GSG1L: variants seen among roughly 807,000 people sequenced by gnomAD.
GSG1L encodes the protein GSG1 like.
A neutral mutation model predicts 42.1 loss-of-function variants in GSG1L; 24 were observed. The ratio of observed to expected loss-of-function variants is 0.57; its 90% CI spans 0.41 to 0.80. GSG1L has a LOEUF of 0.80. GSG1L is among the 30% of genes least tolerant of loss of function. GSG1L has a pLI of 0.00. For synonymous variants in GSG1L, 215 were observed against 203.5 expected, an observed-to-expected ratio of 1.06 and a Z score of -0.48; for missense variants, 445 against 472.2, an observed-to-expected ratio of 0.94 and a Z score of 0.53.
At chr16:28,005,522 G>A (rs572068958) in intron 1 of GSG1L, among the ~76,000 whole-genome samples, 93 of 152,176 alleles carry the variant, frequency 6.1e-4, no homozygotes, top group African/African-American at 2.1e-3. Context: ...CTCACCCAAA[G>A]GGCTTCATTT....
At chr16:27,867,907 T>G (rs2083752069) in intron 3 of GSG1L, among the ~76,000 whole-genome samples, 1 of 152,338 alleles carries the variant, frequency 6.6e-6, no homozygotes, top group South Asian at 2.1e-4. Context: ...CCCAACCTCC[T>G]TGCGTTTCTC....
chr16:28,031,171 A>G (rs556144063), intron 1 of GSG1L, among the ~76,000 whole-genome samples: 3 of 128,710 alleles, frequency 2.3e-5, no homozygotes, highest in Non-Finnish European at 3.2e-5. Context: ...TGAGATGGGA[A>G]TGGGATGGGA....
chr16:27,861,420 G>A (rs2083650271), intron 3 of GSG1L, among the ~76,000 whole-genome samples: 1 of 152,026 alleles, frequency 6.6e-6, no homozygotes, highest in Non-Finnish European at 1.5e-5. Context: ...CAGTGGGAGT[G>A]TCAACTCTGC....
intron 1 of GSG1L, among the ~76,000 whole-genome samples, chr16:27,990,913 G>C (rs1253054207): frequency 6.6e-6 from 1 of 151,932 alleles, no homozygotes; most frequent in Non-Finnish European, 1.5e-5. Context: ...AAAACTTAAA[G>C]TATAATTTAA....
intron 2 of GSG1L, among the ~76,000 whole-genome samples, chr16:27,900,001 T>C (rs2084237982): frequency 1.3e-5 from 2 of 152,316 alleles, no homozygotes; most frequent in East Asian, 1.9e-4. Context: ...TGCACCTCCG[T>C]TGCTGAATCC....
At chr16:27,854,243 G>T (rs1210693809) in intron 3 of GSG1L, among the ~76,000 whole-genome samples, 3 of 144,074 alleles carry the variant, frequency 2.1e-5, no homozygotes, top group African/African-American at 7.7e-5. Flanking sequence ...AATGGGGAGG[G>T]TGAATAGAAG....
chr16:27,847,749 T>TTGTTTAAAAG (rs2083460345), intron 3 of GSG1L, among the ~76,000 whole-genome samples: 1 of 152,166 alleles, frequency 6.6e-6, no homozygotes, highest in South Asian at 2.1e-4. Flanking sequence ...AGAGAGCTGG[T>TTGTTTAAAAG]TGTTTAAAAG....
Position 28,063,083 on chromosome 16 carries a change from G to C in GSG1L, c.342C>G (p.Ser114Arg). The change falls in exon 1 of 7, where the codon AGC becomes AGG. Residue 114 changes from serine to arginine, a missense_variant. Coordinates refer to ENST00000447459, the MANE Select transcript of GSG1L (RefSeq NM_001109763.2). The surrounding 1 kb of genome is among the most constrained non-coding windows in gnomAD (Gnocchi z 5.8). Reference protein sequence around the residue: ...GIWYSCEEELSGLGEKCRSFI... With the variant: ...GIWYSCEEELRGLGEKCRSFI... ...CCGCCCGCGCGCACTCACCAAGCCC[G>C]CTGAGCTCCTCCTCGCACGAGTACC... is the stretch of plus-strand genomic sequence containing the variant. The C allele has an allele frequency of 1.4e-6, 2 of 1,428,974 alleles. No individual in the cohort carries two copies. Among genetic ancestry groups the C allele is most frequent in the Non-Finnish European group, 1.8e-6 (2 of 1,085,456 alleles). The allele number at this position is 1,428,974 out of a possible 1,614,324, so 88.5% of individuals were successfully genotyped here. A position where few individuals can be genotyped will look rare whatever the true frequency, so the allele number is the denominator to read the frequency against.
intron 5 of GSG1L, among the ~76,000 whole-genome samples, chr16:27,810,411 G>A (rs147056501): frequency 2.0e-5 from 3 of 152,242 alleles, no homozygotes; most frequent in South Asian, 2.1e-4. Flanking sequence ...CAGAGGCTAC[G>A]GTGAGCCATG....
At chr16:28,036,504 C>T (rs901487195) in intron 1 of GSG1L, among the ~76,000 whole-genome samples, 5 of 152,174 alleles carry the variant, frequency 3.3e-5, no homozygotes, top group Non-Finnish European at 4.4e-5. Flanking sequence ...CCTCACGTCT[C>T]CCAGGGCCCT....
At chr16:27,802,173 G>A (rs1343560292) in intron 6 of GSG1L, among the ~76,000 whole-genome samples, 1 of 152,104 alleles carries the variant, frequency 6.6e-6, no homozygotes, top group East Asian at 1.9e-4. Context: ...AATGGCTTGG[G>A]TCTGTCTCCC....
intron 1 of GSG1L, among the ~76,000 whole-genome samples, chr16:28,056,802 T>C (rs956247812): frequency 6.6e-6 from 1 of 151,534 alleles, no homozygotes. Context: ...AGCAGGGAGA[T>C]GGATGATAGA....
At chr16:27,851,688 G>A (rs1281731042) in intron 3 of GSG1L, among the ~76,000 whole-genome samples, 1 of 152,200 alleles carries the variant, frequency 6.6e-6, no homozygotes, top group Non-Finnish European at 1.5e-5. Flanking sequence ...CTTGTTGTGT[G>A]AGATCCGTGC....
At chr16:27,892,255 G>A (rs1596591699) in intron 2 of GSG1L, among the ~76,000 whole-genome samples, 2 of 152,060 alleles carry the variant, frequency 1.3e-5, no homozygotes, top group African/African-American at 4.8e-5. Flanking sequence ...AGGAGTTCGA[G>A]ACCAGCCTGG....
At position 27,884,229 on chromosome 16, in the gene GSG1L, A is replaced by G. The variant is rs2083998981; in HGVS notation, c.550+257T>C. Among the ~76,000 whole-genome samples, 1 of 152,050 alleles carries G rather than the reference A, an allele frequency of 6.6e-6. No homozygotes were observed. Among genetic ancestry groups the G allele is most frequent in the Admixed American group, 6.6e-5 (1 of 15,262 alleles). On this transcript the variant is annotated intron_variant, in intron 3 of 6. Transcript: ENST00000447459. This position sits in a 1 kb window ranked among gnomAD's most constrained non-coding sequence, Gnocchi z 4.4. ...AAATTCATCTGCCTCTCCCTCCCAC[A>G]TGTGTTATGCTCCTTGAGGTCTGGG...
Position 27,851,377 on chromosome 16 carries a change from G to A in GSG1L, c.551-6316C>T, listed in dbSNP as rs547643273. 1.2e-3 allele frequency among the ~76,000 whole-genome samples: 175 copies of A among 152,056 alleles called. 1 individual carries two copies. The highest frequency in any genetic ancestry group is 3.6e-3 in the African/African-American group (150 of 41,484). ...ATGCCTGGCTGACATTTTTATTTTT[G>A]TAGAAACAGGGTCTCATTATGTTGT... is the stretch of plus-strand genomic sequence containing the variant. On this transcript the variant is annotated intron_variant, in intron 3 of 6. Coordinates refer to ENST00000447459, the MANE Select transcript of GSG1L (RefSeq NM_001109763.2).
chr16:27,929,927 C>T (rs1248284455), intron 2 of GSG1L, among the ~76,000 whole-genome samples: 1 of 152,100 alleles, frequency 6.6e-6, no homozygotes, highest in African/African-American at 2.4e-5. Flanking sequence ...TCTCCTGCAG[C>T]CCAGATTATA....
At chr16:28,060,459 T>C (rs2086328387) in intron 1 of GSG1L, among the ~76,000 whole-genome samples, 1 of 152,136 alleles carries the variant, frequency 6.6e-6, no homozygotes, top group Admixed American at 6.6e-5. Flanking sequence ...AATTGTGATT[T>C]TGGGGGAGGG....
chr16:27,915,265 G>A (rs1029777650), intron 2 of GSG1L, among the ~76,000 whole-genome samples: 8 of 138,996 alleles, frequency 5.8e-5, no homozygotes, highest in Non-Finnish European at 1.3e-4. Context: ...AAACTCACTG[G>A]AAAATAGGGA....
Sources: gnomAD v4.1 joint callset for allele counts (sites outside exome capture counted in the v4.1 genomes callset) on GRCh38, gnomAD v4.1.1 for gene constraint, Gnocchi (gnomAD v3.1) non-coding constraint, MANE v1.5 for transcripts, NCBI Gene and HGNC (gene_info 2026-07-23, HGNC 2026-07-21) for gene names.